USP37: variants seen among roughly 807,000 people sequenced by gnomAD.
USP37 encodes the protein ubiquitin carboxyl-terminal hydrolase 37.
A neutral mutation model predicts 124.0 loss-of-function variants in USP37; 27 were observed. The ratio of observed to expected loss-of-function variants is 0.22; its 90% CI spans 0.16 to 0.30. The LOEUF (loss-of-function observed/expected upper bound fraction) is 0.30, where lower values mean the gene tolerates loss of function less well. Ranked by LOEUF, USP37 falls within the 10% of genes least tolerant of loss-of-function variation. The pLI, the probability that USP37 is intolerant of heterozygous loss-of-function variation, is 1.00. For missense variants in USP37, 889 were observed against 1,140.4 expected (o/e 0.78, Z 3.17); for synonymous variants, 365 against 388.0 (o/e 0.94, Z 0.70).
At chr2:218,473,390 C>A (rs904768150) in intron 20 of USP37, 6 of 152,086 alleles carry the variant, frequency 3.9e-5, no homozygotes, top group Non-Finnish European at 8.8e-5. Context: ...AAAAGTAATG[C>A]CTGTGTATAA....
chr2:218,477,009 C>A, intron 18 of USP37, 28 bp from the exon 19 acceptor site: 2 of 1,474,182 alleles, frequency 1.4e-6, no homozygotes, highest in Non-Finnish European at 1.8e-6. Context: ...AAAAAAAAGC[C>A]TGATAAACAT....
At chr2:218,519,305 T>C (rs1690465661) in intron 10 of USP37, among the ~76,000 whole-genome samples, 1 of 152,228 alleles carries the variant, frequency 6.6e-6, no homozygotes, top group Non-Finnish European at 1.5e-5. Context: ...ACTAGCCACT[T>C]ATAATCAACT....
chr2:218,511,841 G>C (rs189843941), intron 10 of USP37, among the ~76,000 whole-genome samples: 3 of 142,058 alleles, frequency 2.1e-5, no homozygotes, highest in Admixed American at 7.0e-5. Flanking sequence ...TTTGTATCTT[G>C]TATTTTGTTT....
chr2:218,539,038 G>A (rs931395641), intron 8 of USP37, among the ~76,000 whole-genome samples: 1 of 152,040 alleles, frequency 6.6e-6, no homozygotes, highest in Admixed American at 6.6e-5. Flanking sequence ...TGTGATCTCG[G>A]CTCACTGCAA....
At chr2:218,518,056 A>G (rs1690396820) in intron 10 of USP37, among the ~76,000 whole-genome samples, 2 of 151,932 alleles carry the variant, frequency 1.3e-5, no homozygotes, top group African/African-American at 2.4e-5. Flanking sequence ...CCTGGGCTTG[A>G]GCAATCCTCC....
At chr2:218,517,896 T>G (rs73074899) in intron 10 of USP37, among the ~76,000 whole-genome samples, 4,324 of 152,284 alleles carry the variant, frequency 0.028, 205 homozygotes, top group African/African-American at 0.098. Flanking sequence ...TTTTTCATGT[T>G]TTATTCTAGA....
chr2:218,461,951 G>T (rs1690033710), intron 22 of USP37, among the ~76,000 whole-genome samples: 1 of 152,250 alleles, frequency 6.6e-6, no homozygotes, highest in Admixed American at 6.5e-5. Flanking sequence ...AAGGTCAAGA[G>T]TTCGAGACCT....
In USP37 at chr2:218,463,353, T is replaced by C. The variant is rs1465101094; in HGVS notation, c.2480A>G (p.Gln827Arg). 1 of 1,614,078 alleles carries C rather than the reference T, an allele frequency of 6.2e-7. No homozygotes were observed. Among genetic ancestry groups the C allele is most frequent in the Admixed American group, 1.7e-5 (1 of 60,002 alleles). Residue 827 changes from glutamine to arginine, a missense_variant, in exon 22 of 26, where the codon CAG becomes CGG. Physicochemically the swap from Gln to Arg is conservative, Grantham distance 43. Transcript: ENST00000258399. ...QSLQEQEAWEQKEDDDLKRAT... is the reference protein window; with the variant it reads ...QSLQEQEAWERKEDDDLKRAT... ...TCTTTTGAGGTCATCATCTTCTTTC[T>C]GTTCCCAAGCCTCCTAAAGGGAAAA...
In USP37 at chr2:218,469,270, C is replaced by G. The variant is rs545228669; in HGVS notation, c.2300-3094G>C. ...CTTTCTTCTATTATTGGAGAAACAACCCTTGCCATGGCCTAGAAGGGGCAG... is the reference window on the plus strand; with the variant it reads ...CTTTCTTCTATTATTGGAGAAACAAGCCTTGCCATGGCCTAGAAGGGGCAG... On this transcript the variant is annotated intron_variant, in intron 20 of 25. Coordinates refer to ENST00000258399, the MANE Select transcript of USP37 (RefSeq NM_020935.3). Among the ~76,000 whole-genome samples the G allele has an allele frequency of 3.6e-3, 549 of 152,248 alleles. 4 individuals carry two copies. Among genetic ancestry groups the G allele is most frequent in the Non-Finnish European group, 4.0e-3 (271 of 68,018 alleles).
At chr2:218,536,590 C>G (rs1385934727) in intron 8 of USP37, among the ~76,000 whole-genome samples, 1 of 152,232 alleles carries the variant, frequency 6.6e-6, no homozygotes, top group Non-Finnish European at 1.5e-5. Flanking sequence ...GACTAACCTT[C>G]ATGTCCTTGT....
At chr2:218,488,915 G>A (rs1005676219) in intron 14 of USP37, among the ~76,000 whole-genome samples, 28 of 151,850 alleles carry the variant, frequency 1.8e-4, no homozygotes, top group African/African-American at 6.5e-4. Flanking sequence ...GATTACAGGC[G>A]TGAGCCACCA....
intron 18 of USP37, among the ~76,000 whole-genome samples, chr2:218,477,515 G>C (rs1296948161): frequency 6.6e-6 from 1 of 152,116 alleles, no homozygotes; most frequent in Non-Finnish European, 1.5e-5. Context: ...GTACTTAGAG[G>C]GACCCTTTCT....
At chr2:218,458,336 C>A (rs907341774) in intron 23 of USP37, among the ~76,000 whole-genome samples, 1 of 147,608 alleles carries the variant, frequency 6.8e-6, no homozygotes, top group African/African-American at 2.5e-5. Flanking sequence ...CTTTGGGAGG[C>A]AGAGATGGGT....
intron 10 of USP37, among the ~76,000 whole-genome samples, chr2:218,521,331 A>G (rs1361525901): frequency 1.3e-5 from 2 of 152,108 alleles, no homozygotes; most frequent in African/African-American, 4.8e-5. Context: ...TAGAGATTTT[A>G]TTTTTTAAAT....
intron 3 of USP37, 49 bp from the exon 4 acceptor site, chr2:218,558,726 G>C: frequency 1.5e-6 from 2 of 1,355,876 alleles, no homozygotes; most frequent in Non-Finnish European, 2.0e-6. Flanking sequence ...TTCTAAGGAA[G>C]AAAAATAAGA....
intron 5 of USP37, among the ~76,000 whole-genome samples, chr2:218,552,119 GT>G (rs1470896559): frequency 2.0e-5 from 3 of 152,066 alleles, no homozygotes; most frequent in Admixed American, 1.3e-4. Flanking sequence ...AAATTCAATA[GT>G]TTAGTAAATT....
chr2:218,498,258 G>C, intron 11 of USP37, 101 bp from the exon 12 acceptor site: 1 of 1,299,622 alleles, frequency 7.7e-7, no homozygotes, highest in Non-Finnish European at 1.0e-6. Context: ...ATCACCTGGA[G>C]GGCTTGTTAA....
chr2:218,483,903 G>C (rs1228685322), intron 16 of USP37, among the ~76,000 whole-genome samples: 1 of 152,100 alleles, frequency 6.6e-6, no homozygotes, highest in Non-Finnish European at 1.5e-5. Context: ...ATACTGCTAT[G>C]ATTTATACAC....
At chr2:218,480,734 ACAGT>A (rs1419850145) in intron 17 of USP37, among the ~76,000 whole-genome samples, 1 of 152,244 alleles carries the variant, frequency 6.6e-6, no homozygotes, top group Non-Finnish European at 1.5e-5. Context: ...ATCAAATTGT[ACAGT>A]CAGATAGCTT....
Sources: gnomAD v4.1 joint callset for allele counts (sites outside exome capture counted in the v4.1 genomes callset) on GRCh38, gnomAD v4.1.1 for gene constraint, MANE v1.5 for transcripts, NCBI Gene and HGNC (gene_info 2026-07-23, HGNC 2026-07-21) for gene names.